The following PCNT variants were observed in gnomAD, a reference collection of about 807,000 sequenced individuals.
PCNT encodes pericentrin, also known as kendrin.
A neutral mutation model predicts 380.4 loss-of-function variants in PCNT; 319 were observed. The observed-to-expected ratio is 0.84, with a 90% CI of 0.77 to 0.92. The LOEUF is 0.92. Ranked by LOEUF, PCNT falls within the 40% of genes least tolerant of loss-of-function variation. The probability of loss-of-function intolerance (pLI) is 0.00; values close to 1 mark genes in which losing one functional copy is unlikely to be tolerated. For synonymous variants in PCNT, 1,845 were observed against 1,735.2 expected (o/e 1.06, Z -1.57); for missense variants, 4,400 against 4,255.3 (o/e 1.03, Z -0.95).
In PCNT at chr21:46,357,095, T is replaced by G; in HGVS notation, c.2058T>G (p.Thr686=). 1 of 1,613,814 alleles carries G rather than the reference T, an allele frequency of 6.2e-7. No homozygotes were observed. The highest frequency in any genetic ancestry group is 8.5e-7 in the Non-Finnish European group (1 of 1,179,666). ...EHKVQLSLLQ[T]ELKEEIELLK... is the part of the protein sequence containing the mutation. ...AGGTGCAACTTTCGCTTCTTCAGAC[T>G]GAGCTCAAAGAAGAAATTGAACTCC... Residue 686 remains threonine (T), a synonymous_variant, in exon 13 of 47, where the codon ACT becomes ACG. Transcript: ENST00000359568.
chr21:46,418,376 T>G, intron 31 of PCNT, 70 bp downstream of exon 31: 1 of 951,228 alleles, frequency 1.1e-6, no homozygotes, highest in African/African-American at 1.6e-5. Flanking sequence ...GTCAAAAGAA[T>G]TCCTGCATCC....
intron 2 of PCNT, among the ~76,000 whole-genome samples, chr21:46,327,141 A>C (rs537596212): frequency 6.7e-6 from 1 of 149,368 alleles, no homozygotes; most frequent in East Asian, 2.0e-4. Context: ...GCTCACTGCA[A>C]GCTCCGCCTC....
chr21:46,426,082 T>TTTC, intron 33 of PCNT, 111 bp downstream of exon 33: 8 of 1,166,010 alleles, frequency 6.9e-6, no homozygotes, highest in Non-Finnish European at 5.9e-6. Context: ...TTTTTTTTTT[T>TTTC]TTTTTTTTTT....
Position 46,402,439 on chromosome 21 carries a change from G to T in PCNT, c.5071G>T (p.Ala1691Ser), listed in dbSNP as rs1177721280. Residue 1691 changes from alanine (A) to serine (S), a missense_variant, in exon 27 of 47, where the codon GCT (alanine) becomes TCT (serine). Transcript: ENST00000359568. The part of the protein sequence containing the change: ...LKLDMQNSQT[A>S]VSLRELEEEN... ...ATTGGACATGCAGAACAGCCAGACTGCTGTCAGCCTCAGAGAACTTGAGGA... is the reference window on the plus strand; with the variant it reads ...ATTGGACATGCAGAACAGCCAGACTTCTGTCAGCCTCAGAGAACTTGAGGA... 1 of 1,614,104 alleles carries T rather than the reference G, an allele frequency of 6.2e-7. No homozygotes were observed. Among genetic ancestry groups the T allele is most frequent in the South Asian group, 1.1e-5 (1 of 91,072 alleles).
Position 46,327,600 on chromosome 21 carries a change from T to C in PCNT, c.267+1011T>C, listed in dbSNP as rs1001467450. 2.0e-5 allele frequency among the ~76,000 whole-genome samples: 3 copies of C among 152,188 alleles called. No individual in the cohort carries two copies. In the South Asian group the frequency reaches 6.2e-4, roughly 31 times the overall value. ...CTTTATTATGTAATTTTGAGAAGTT[T>C]TGGATTAACTACTTGAAGACAAGTG... On this transcript the variant is annotated intron_variant, in intron 2 of 46. Coordinates refer to ENST00000359568, the MANE Select transcript of PCNT (RefSeq NM_006031.6).
In PCNT at chr21:46,388,813, T is replaced by C; in HGVS notation, c.3536T>C (p.Leu1179Pro). 6.2e-7 allele frequency: 1 copy of C among 1,613,352 alleles called. No individual in the cohort carries two copies. Among genetic ancestry groups the C allele is most frequent in the Non-Finnish European group, 8.5e-7 (1 of 1,179,954 alleles). Residue 1179 changes from leucine to proline, a missense_variant, in exon 18 of 47, where the codon CTG becomes CCG. Leu to Pro is a moderately conservative substitution (Grantham distance 98, BLOSUM62 -3). Transcript: ENST00000359568. This position sits in a 1 kb window ranked among gnomAD's most constrained non-coding sequence, Gnocchi z 4.2. ...GAGACGCTGAGGGCAGCCGTCACCCTGAGGAGCCGGATCGGGGAGCGCGTG... is the reference window on the plus strand; with the variant it reads ...GAGACGCTGAGGGCAGCCGTCACCCCGAGGAGCCGGATCGGGGAGCGCGTG... ...FGETLRAAVT[L>P]RSRIGERVGL...
chr21:46,339,133 C>T (rs946229121), intron 3 of PCNT, among the ~76,000 whole-genome samples: 64 of 152,280 alleles, frequency 4.2e-4, no homozygotes, highest in African/African-American at 1.1e-3. Flanking sequence ...CCAGGCTGAT[C>T]TCGAACTCAT....
chr21:46,433,540 T>C lies in PCNT; in HGVS notation c.8751+1325T>C, dbSNP rs1009865620. Among the ~76,000 whole-genome samples, 36 of 152,154 alleles carry C rather than the reference T, an allele frequency of 2.4e-4. 1 individual carries two copies. The highest frequency in any genetic ancestry group is 2.4e-3 in the Admixed American group (36 of 15,274). On this transcript the variant is annotated intron_variant, in intron 38 of 46. Transcript: ENST00000359568. ...CTGAGGGTGAGACGTGGTGTGTGTGTTTGCCTTTCTCCTGGGCAAGAGCTC... is the reference window on the plus strand; with the variant it reads ...CTGAGGGTGAGACGTGGTGTGTGTGCTTGCCTTTCTCCTGGGCAAGAGCTC...
At chr21:46,424,998 C>T (rs1450845640) in intron 32 of PCNT, among the ~76,000 whole-genome samples, 1 of 152,092 alleles carries the variant, frequency 6.6e-6, no homozygotes, top group African/African-American at 2.4e-5. Flanking sequence ...CCGTCGTAGG[C>T]TTCATCATTG....
intron 2 of PCNT, among the ~76,000 whole-genome samples, chr21:46,328,041 C>CT (rs1426320490): frequency 6.6e-6 from 1 of 152,180 alleles, no homozygotes; most frequent in African/African-American, 2.4e-5. Flanking sequence ...GTCCCTGCTG[C>CT]TGCAGCAGAA....
chr21:46,401,624 C>T lies in PCNT; in HGVS notation c.4865C>T (p.Ala1622Val). The T allele has an allele frequency of 1.9e-6, 3 of 1,613,878 alleles. No individual in the cohort carries two copies. The highest frequency in any genetic ancestry group is 1.7e-6 in the Non-Finnish European group (2 of 1,179,816). The change falls in exon 26 of 47, where the codon GCA (alanine) becomes GTA (valine). Residue 1622 changes from alanine (A) to valine (V), a missense_variant. Ala to Val is a moderately conservative substitution (Grantham distance 64). Coordinates refer to ENST00000359568, the MANE Select transcript of PCNT (RefSeq NM_006031.6). ...LASTLQSTLD[A>V]GRCPEPPSGS... is the part of the protein sequence containing the mutation. ...TCCACGTTGCAGTCTACACTAGATG[C>T]AGGCAGATGTCCCGAGCCTCCTTCG...
intron 15 of PCNT, among the ~76,000 whole-genome samples, chr21:46,369,431 CAG>C (rs750985052): frequency 6.6e-6 from 1 of 152,230 alleles, no homozygotes; most frequent in East Asian, 1.9e-4. Context: ...CAAAATTAGA[CAG>C]GGGTCTGATG....
In PCNT at chr21:46,441,943, C is replaced by T. The variant is rs925084171; in HGVS notation, c.9624-554C>T. ...GCTATGCCTCAAAGGAGGGAAGCCA[C>T]AGGCATGATGCTTGTTCCGAAGGCC... On this transcript the variant is annotated intron_variant, in intron 43 of 46. Transcript: ENST00000359568. 2.0e-5 allele frequency among the ~76,000 whole-genome samples: 3 copies of T among 152,110 alleles called. No individual in the cohort carries two copies. The East Asian group carries it at 5.8e-4, about 29-fold the overall frequency.
Position 46,411,636 on chromosome 21 carries a change from CG to C in PCNT, c.5565del (p.Ile1856SerfsTer8). 6 of 1,612,992 alleles carry C rather than the reference CG, an allele frequency of 3.7e-6. No individual in the cohort carries two copies. The highest frequency in any genetic ancestry group is 3.4e-6 in the Non-Finnish European group (4 of 1,179,830). On this transcript the variant is annotated frameshift_variant, in exon 28 of 47. Coordinates refer to ENST00000359568, the MANE Select transcript of PCNT (RefSeq NM_006031.6). LOFTEE classifies it high-confidence loss of function. Reference sequence around the variant, plus strand: ...GGCTGAGGTCGAAGACATGGCCTCCCGGATCCAGGAGTTCGAAGCGGCCCTG... The same window carrying C: ...GGCTGAGGTCGAAGACATGGCCTCCCGATCCAGGAGTTCGAAGCGGCCCTG... Reference protein sequence around the residue: ...REAEVEDMASRIQEFEAALKA... With the variant: ...REAEVEDMASXIQEFEAALKA...
chr21:46,364,645 G>A (rs558134215), intron 14 of PCNT, among the ~76,000 whole-genome samples: 2 of 152,164 alleles, frequency 1.3e-5, no homozygotes, highest in African/African-American at 2.4e-5. Context: ...TTTTCAAGAG[G>A]TTTAGAAAGT....
At chr21:46,359,507 T>TTTTTTTTTTTTTTTTTC in intron 13 of PCNT, among the ~76,000 whole-genome samples, 1 of 120,842 alleles carries the variant, frequency 8.3e-6, no homozygotes, top group East Asian at 2.0e-4. Context: ...TTTTTTTTTT[T>TTTTTTTTTTTTTTTTTC]GAGACAGTGT....
At chr21:46,324,719 G>C (rs953290151) in intron 1 of PCNT, 128 of 235,996 alleles carry the variant, frequency 5.4e-4, no homozygotes, top group Non-Finnish European at 8.4e-4. Flanking sequence ...CGCGTCCTCC[G>C]GGACCGGGTG....
chr21:46,401,302 A>C (rs1416735034), intron 25 of PCNT, among the ~76,000 whole-genome samples: 2 of 152,164 alleles, frequency 1.3e-5, no homozygotes, highest in African/African-American at 4.8e-5. Context: ...ACTGTAGATA[A>C]ATTCCTCACA....
chr21:46,378,379 A>G (rs549682713), intron 15 of PCNT, among the ~76,000 whole-genome samples: 3 of 152,272 alleles, frequency 2.0e-5, no homozygotes, highest in African/African-American at 7.2e-5. Flanking sequence ...GAATTGCAGC[A>G]TTGCAATTGA....
Sources: gnomAD v4.1 joint callset for allele counts (sites outside exome capture counted in the v4.1 genomes callset) on GRCh38, gnomAD v4.1.1 for gene constraint, Gnocchi (gnomAD v3.1) non-coding constraint, MANE v1.5 for transcripts, NCBI Gene and HGNC (gene_info 2026-07-23, HGNC 2026-07-21) for gene names.